Variants in TRA2A observed in about 807,000 individuals in gnomAD.
TRA2A encodes transformer 2 alpha homolog, also known as transformer-2 protein homolog alpha.
Under a neutral mutation model 45.7 loss-of-function variants are expected in TRA2A, and 31 were observed. The ratio of observed to expected loss-of-function variants is 0.68; its 90% CI spans 0.51 to 0.92. TRA2A has a LOEUF of 0.92. Ranked by LOEUF, TRA2A falls within the 40% of genes least tolerant of loss-of-function variation. TRA2A has a pLI of 0.00. For synonymous variants in TRA2A, 132 were observed against 126.2 expected (o/e 1.05, Z -0.31); for missense variants, 304 against 367.5 (o/e 0.83, Z 1.41).
rs140460033 is a variant in TRA2A at position 23,515,108 on chromosome 7, T to A, written c.336+1255A>T. Among the ~76,000 whole-genome samples, 138 of 152,276 alleles carry A rather than the reference T, an allele frequency of 9.1e-4. 1 individual carries two copies. In the East Asian group the frequency reaches 0.019, roughly 21 times the overall value. ...ACTGAATAAAAGTGTTAGCTATGAT[T>A]ACTACAAAGTTTTTAATATTTCTTT... On this transcript the variant is annotated intron_variant, in intron 3 of 7. Transcript: ENST00000297071.
intron 2 of TRA2A, among the ~76,000 whole-genome samples, chr7:23,520,158 G>C (rs1790067492): frequency 6.6e-6 from 1 of 152,248 alleles, no homozygotes; most frequent in African/African-American, 2.4e-5. Flanking sequence ...GGAGGTTGCA[G>C]TGAGCCAAGA....
chr7:23,530,477 C>A (rs1790528263), intron 1 of TRA2A, among the ~76,000 whole-genome samples: 1 of 152,216 alleles, frequency 6.6e-6, no homozygotes, highest in South Asian at 2.1e-4. Context: ...CTTCAGCACA[C>A]ACACCTCAGG....
intron 3 of TRA2A, among the ~76,000 whole-genome samples, chr7:23,514,006 T>C (rs1446702345): frequency 6.6e-6 from 1 of 152,102 alleles, no homozygotes; most frequent in East Asian, 1.9e-4. Context: ...GGCAAATACT[T>C]AGGCTAAATT....
intron 1 of TRA2A, 194 bp downstream of exon 1, chr7:23,531,595 G>C: frequency 1.6e-6 from 1 of 619,082 alleles, no homozygotes. Flanking sequence ...CAAAAAAGGG[G>C]GAGGGGTGTT....
Position 23,505,875 on chromosome 7 carries a change from T to C in TRA2A, c.771-62A>G. Reference sequence around the variant, plus strand: ...ATCACTCCACTGAGGCAGATGAAAATAAAAATTCCTCATCATTCAAAATAA... The same window carrying C: ...ATCACTCCACTGAGGCAGATGAAAACAAAAATTCCTCATCATTCAAAATAA... On this transcript the variant is annotated intron_variant, in intron 6 of 7. Transcript: ENST00000297071. The C allele has an allele frequency of 2.9e-6, 3 of 1,037,776 alleles. No homozygotes were observed. The South Asian group carries it at 5.5e-5, about 19-fold the overall frequency. The allele number at this position is 1,037,776 out of a possible 1,614,324, so 64.3% of individuals were successfully genotyped here. A position where few individuals can be genotyped will look rare whatever the true frequency, so the allele number is the denominator to read the frequency against.
chr7:23,522,582 ATAGTCTTT>A, intron 1 of TRA2A: 2 of 176,844 alleles, frequency 1.1e-5, no homozygotes, highest in Non-Finnish European at 2.3e-5. Context: ...AAACAATTTT[ATAGTCTTT>A]AAAATTGTTC....
intron 1 of TRA2A, chr7:23,522,119 AC>A: frequency 3.2e-6 from 4 of 1,267,272 alleles, no homozygotes; most frequent in Non-Finnish European, 4.0e-6. Context: ...CATAAACCAT[AC>A]ATTTACTTAA....
In TRA2A at chr7:23,517,692, T is replaced by C. The variant is rs564317741; in HGVS notation, c.171-1164A>G. Among the ~76,000 whole-genome samples the C allele has an allele frequency of 6.6e-5, 10 of 150,874 alleles. 1 individual carries two copies. The highest frequency in any genetic ancestry group is 6.9e-3 in the Middle Eastern group (2 of 290). ...ACTTTGGGAGGCCGAGGCAGGCAGA[T>C]TACGAGGTCAAGAGATCGAGACCAT... is the stretch of plus-strand genomic sequence containing the variant. On this transcript the variant is annotated intron_variant, in intron 2 of 7. Transcript: ENST00000297071.
In TRA2A at chr7:23,516,227, G is replaced by C. The variant is rs761959668; in HGVS notation, c.336+136C>G. The C allele has an allele frequency of 3.9e-6, 3 of 762,810 alleles. No homozygotes were observed. The African/African-American group carries it at 5.3e-5, about 13-fold the overall frequency. The allele number at this position is 762,810 out of a possible 1,614,324, so 47.3% of individuals were successfully genotyped here. ...TGGTGGCATTTCCTTTACTTTGAAA[G>C]CTAAAGCAGCTTATTAAGGATGTTT... On this transcript the variant is annotated intron_variant, in intron 3 of 7. Coordinates refer to ENST00000297071, the MANE Select transcript of TRA2A (RefSeq NM_013293.5).
chr7:23,524,474 G>A (rs578184202), intron 1 of TRA2A, among the ~76,000 whole-genome samples: 11 of 150,866 alleles, frequency 7.3e-5, no homozygotes, highest in African/African-American at 2.4e-4. Context: ...GTGAGCCACC[G>A]CGCCCGGCCA....
chr7:23,529,668 C>T (rs1790489199), intron 1 of TRA2A, among the ~76,000 whole-genome samples: 1 of 151,872 alleles, frequency 6.6e-6, no homozygotes, highest in Non-Finnish European at 1.5e-5. Flanking sequence ...AACTAAAAGA[C>T]GAAAAATAAA....
intron 2 of TRA2A, among the ~76,000 whole-genome samples, chr7:23,519,459 C>T (rs1040858673): frequency 6.6e-6 from 1 of 152,078 alleles, no homozygotes; most frequent in African/African-American, 2.4e-5. Flanking sequence ...AAAATACCTT[C>T]TATACGGTAC....
intron 1 of TRA2A, among the ~76,000 whole-genome samples, chr7:23,530,569 T>C (rs997070226): frequency 6.6e-6 from 1 of 152,240 alleles, no homozygotes; most frequent in Non-Finnish European, 1.5e-5. Flanking sequence ...TTTTGTTTTC[T>C]TTCCAGGGTT....
intron 2 of TRA2A, among the ~76,000 whole-genome samples, chr7:23,519,121 C>A (rs1176397200): frequency 6.6e-6 from 1 of 152,134 alleles, no homozygotes; most frequent in Non-Finnish European, 1.5e-5. Context: ...AGGCCGGGCA[C>A]GGTGGCTCAC....
chr7:23,513,930 C>T (rs991615416), intron 3 of TRA2A, among the ~76,000 whole-genome samples: 4 of 152,000 alleles, frequency 2.6e-5, no homozygotes, highest in African/African-American at 9.7e-5. Context: ...GGTAAAAACA[C>T]CTTTAAATAA....
chr7:23,518,937 C>T (rs1790010382), intron 2 of TRA2A, among the ~76,000 whole-genome samples: 1 of 152,132 alleles, frequency 6.6e-6, no homozygotes, highest in African/African-American at 2.4e-5. Context: ...TCCACCCCTC[C>T]TTGTGCTCCC....
chr7:23,522,585 G>C (rs1458377642), intron 1 of TRA2A, among the ~76,000 whole-genome samples: 1 of 147,232 alleles, frequency 6.8e-6, no homozygotes, highest in African/African-American at 2.5e-5. Context: ...CAATTTTATA[G>C]TCTTTAAAAT....
rs1428325822 is a variant in TRA2A, at chr7:23,521,830, G to A, written c.47C>T (p.Ser16Phe). 1 of 1,613,948 alleles carries A rather than the reference G, an allele frequency of 6.2e-7. No individual in the cohort carries two copies. The highest frequency in any genetic ancestry group is 8.5e-7 in the Non-Finnish European group (1 of 1,180,034). The change falls in exon 2 of 8, where the codon TCT becomes TTT. Residue 16 changes from serine (S) to phenylalanine (F), a missense_variant. Coordinates refer to ENST00000297071, the MANE Select transcript of TRA2A (RefSeq NM_013293.5). ...AGTTCCCGTTGGAGATTTTGACTGAGAGCGAGACTCCTAACAAAGAAGACA... is the reference window on the plus strand; with the variant it reads ...AGTTCCCGTTGGAGATTTTGACTGAAAGCGAGACTCCTAACAAAGAAGACA... Reference protein sequence around the residue: ...ENNFEGRESRSQSKSPTGTPA... With the variant: ...ENNFEGRESRFQSKSPTGTPA...
chr7:23,517,495 A>G (rs1353468470), intron 2 of TRA2A, among the ~76,000 whole-genome samples: 2 of 145,914 alleles, frequency 1.4e-5, no homozygotes, highest in African/African-American at 5.0e-5. Context: ...AAAAAAAAAA[A>G]AAAAAAAAAG....
Sources: gnomAD v4.1 joint callset for allele counts (sites outside exome capture counted in the v4.1 genomes callset) on GRCh38, gnomAD v4.1.1 for gene constraint, MANE v1.5 for transcripts, NCBI Gene and HGNC (gene_info 2026-07-23, HGNC 2026-07-21) for gene names.